Variants in PIP4P2 observed in about 807,000 individuals in gnomAD.
PIP4P2 encodes phosphatidylinositol-4,5-bisphosphate 4-phosphatase 2, also known as type 2 phosphatidylinositol 4,5-bisphosphate 4-phosphatase.
In PIP4P2, 19 loss-of-function variants were observed where a neutral mutation model predicts 33.3. The observed-to-expected ratio is 0.57, with a 90% confidence interval of 0.40 to 0.84. The LOEUF (loss-of-function observed/expected upper bound fraction) is 0.84. PIP4P2 is among the 40% of genes least tolerant of loss of function. The pLI is 0.00. For missense variants in PIP4P2, 270 were observed against 324.7 expected (o/e 0.83, Z 1.29); for synonymous variants, 110 against 111.9 (o/e 0.98, Z 0.11).
chr8:91,018,666 C>T, intron 3 of PIP4P2, 153 bp from the exon 4 acceptor site: 1 of 1,186,268 alleles, frequency 8.4e-7, no homozygotes, highest in South Asian at 1.5e-5. Context: ...CAAAGAGTAG[C>T]AACAGTCAGT....
At chr8:91,018,350 C>T (rs773949418) in intron 4 of PIP4P2, 40 bp downstream of exon 4, 1 of 1,613,170 alleles carries the variant, frequency 6.2e-7, no homozygotes, top group Non-Finnish European at 8.5e-7. Context: ...AAGATCATGA[C>T]CTATATTTAC....
At chr8:91,029,074 A>G (rs1812121666) in intron 1 of PIP4P2, among the ~76,000 whole-genome samples, 1 of 152,074 alleles carries the variant, frequency 6.6e-6, no homozygotes, top group African/African-American at 2.4e-5. Flanking sequence ...GGACAGATCA[A>G]GAGGTCAGCA....
intron 1 of PIP4P2, among the ~76,000 whole-genome samples, chr8:91,026,731 A>G (rs1812088262): frequency 6.6e-6 from 1 of 152,202 alleles, no homozygotes; most frequent in Non-Finnish European, 1.5e-5. Context: ...ATCTCAGGAA[A>G]CAATTCCTCA....
At chr8:91,010,394 G>A (rs58183914) in intron 4 of PIP4P2, among the ~76,000 whole-genome samples, 16,001 of 151,852 alleles carry the variant, frequency 0.11, 1,004 homozygotes, top group African/African-American at 0.18. Context: ...CTAACAGACT[G>A]ACATAGGAAT....
intron 5 of PIP4P2, among the ~76,000 whole-genome samples, chr8:91,001,950 C>T (rs192652062): frequency 3.6e-4 from 55 of 152,176 alleles, no homozygotes; most frequent in Non-Finnish European, 1.5e-4. Context: ...TTTCCTAGAT[C>T]GCATAAGTGA....
chr8:90,997,294 T>G (rs1283068960), intron 5 of PIP4P2, among the ~76,000 whole-genome samples: 1 of 152,086 alleles, frequency 6.6e-6, no homozygotes, highest in East Asian at 1.9e-4. Context: ...TCCCATAATA[T>G]TCTCAAACTA....
chr8:91,006,740 G>C lies in PIP4P2; in HGVS notation c.539+2003C>G, dbSNP rs555284466. ...TCTCAGCACTTTGGGAGGCTGAGAC[G>C]GGTGAATCACCCGAGGTCAGGAGTT... On this transcript the variant is annotated intron_variant, in intron 5 of 6. Coordinates refer to ENST00000285419, the MANE Select transcript of PIP4P2 (RefSeq NM_018710.3). Among the ~76,000 whole-genome samples, 3 of 152,270 alleles carry C rather than the reference G, an allele frequency of 2.0e-5. No homozygotes were observed. In the East Asian group the frequency reaches 5.8e-4, roughly 29 times the overall value.
At chr8:91,004,186 G>A (rs1211973297) in intron 5 of PIP4P2, among the ~76,000 whole-genome samples, 2 of 152,174 alleles carry the variant, frequency 1.3e-5, no homozygotes, top group Non-Finnish European at 2.9e-5. Context: ...GTCTGAGGAG[G>A]AAGGTCTGCG....
intron 5 of PIP4P2, among the ~76,000 whole-genome samples, chr8:91,003,532 A>T (rs1299070021): frequency 6.6e-6 from 1 of 152,202 alleles, no homozygotes; most frequent in African/African-American, 2.4e-5. Context: ...GAAAAAGAAA[A>T]ACATAATATA....
intron 1 of PIP4P2, among the ~76,000 whole-genome samples, chr8:91,035,048 G>A (rs546209151): frequency 6.6e-6 from 1 of 152,232 alleles, no homozygotes; most frequent in South Asian, 2.1e-4. Context: ...GAAAGCATAA[G>A]AGTACATATT....
chr8:91,029,752 C>T (rs1239724001), intron 1 of PIP4P2, among the ~76,000 whole-genome samples: 1 of 151,996 alleles, frequency 6.6e-6, no homozygotes, highest in Non-Finnish European at 1.5e-5. Flanking sequence ...AGGCAGATCA[C>T]GAGGTCAGGA....
chr8:91,040,812 G>C lies in PIP4P2; in HGVS notation c.-63C>G. 6.9e-7 allele frequency: 1 copy of C among 1,458,054 alleles called. No homozygotes were observed. The highest frequency in any genetic ancestry group is 9.5e-7 in the Non-Finnish European group (1 of 1,056,216). The allele number at this position is 1,458,054 out of a possible 1,614,324, so 90.3% of individuals were successfully genotyped here. On this transcript the variant is annotated 5_prime_UTR_variant, in exon 1 of 7. Coordinates refer to ENST00000285419, the MANE Select transcript of PIP4P2 (RefSeq NM_018710.3). The stretch of plus-strand genomic sequence containing the variant: ...GGGTTGCGGCCTCGGCGGAGTGGTG[G>C]CTACTGCTGCTGCCTCTGCTGCCGC...
rs563513807 is a variant in PIP4P2 at position 91,023,370 on chromosome 8, A to G, written c.107-1966T>C. Among the ~76,000 whole-genome samples the G allele has an allele frequency of 8.8e-4, 125 of 142,038 alleles. 1 individual carries two copies. In the Middle Eastern group the frequency reaches 0.011, roughly 13 times the overall value. The allele number at this position is 142,038 out of a possible 152,430, so 93.2% of individuals were successfully genotyped here. Reference sequence around the variant, plus strand: ...ACAGTTTTATAAAGAAAACAAGGGCATTAGGGGGAGAGGAGGAAGTGACAT... The same window carrying G: ...ACAGTTTTATAAAGAAAACAAGGGCGTTAGGGGGAGAGGAGGAAGTGACAT... On this transcript the variant is annotated intron_variant, in intron 1 of 6. Transcript: ENST00000285419.
At chr8:91,001,410 A>T (rs1193621822) in intron 5 of PIP4P2, among the ~76,000 whole-genome samples, 1 of 151,994 alleles carries the variant, frequency 6.6e-6, no homozygotes, top group African/African-American at 2.4e-5. Context: ...TGTGCCTGCC[A>T]CACCATCATT....
At chr8:91,036,348 T>A (rs1470322451) in intron 1 of PIP4P2, among the ~76,000 whole-genome samples, 1 of 152,194 alleles carries the variant, frequency 6.6e-6, no homozygotes, top group African/African-American at 2.4e-5. Context: ...AAATACATCA[T>A]GTCTAAAACT....
chr8:91,031,627 A>G (rs1321194553), intron 1 of PIP4P2, among the ~76,000 whole-genome samples: 1 of 152,210 alleles, frequency 6.6e-6, no homozygotes, highest in East Asian at 1.9e-4. Flanking sequence ...AAAATGCCCT[A>G]ATCAATCATG....
chr8:91,009,696 C>T (rs1401213240), intron 4 of PIP4P2, among the ~76,000 whole-genome samples: 1 of 151,860 alleles, frequency 6.6e-6, no homozygotes. Flanking sequence ...GTTTCAATAA[C>T]TTATGGATAT....
intron 1 of PIP4P2, among the ~76,000 whole-genome samples, chr8:91,027,422 A>G (rs1812098538): frequency 6.6e-6 from 1 of 152,264 alleles, no homozygotes; most frequent in Admixed American, 6.5e-5. Flanking sequence ...GGGGATGACC[A>G]TTCTTCTTAA....
At chr8:91,024,717 T>C (rs1344836233) in intron 1 of PIP4P2, among the ~76,000 whole-genome samples, 1 of 152,186 alleles carries the variant, frequency 6.6e-6, no homozygotes, top group Non-Finnish European at 1.5e-5. Flanking sequence ...TTCCTCATTT[T>C]GGAAAAGTCT....
Sources: gnomAD v4.1 joint callset for allele counts (sites outside exome capture counted in the v4.1 genomes callset) on GRCh38, gnomAD v4.1.1 for gene constraint, MANE v1.5 for transcripts, NCBI Gene and HGNC (gene_info 2026-07-23, HGNC 2026-07-21) for gene names.